Variants in IGSF11 observed in about 807,000 individuals in gnomAD.
The protein encoded by IGSF11 is immunoglobulin superfamily member 11.
A neutral mutation model predicts 41.0 loss-of-function variants in IGSF11; 22 were observed. The ratio of observed to expected loss-of-function variants is 0.54; its 90% CI spans 0.38 to 0.77. The LOEUF is 0.77. IGSF11 is among the 30% of genes least tolerant of loss of function. The pLI is 0.00. For synonymous variants in IGSF11, 219 were observed against 201.3 expected, an observed-to-expected ratio of 1.09 and a Z score of -0.74; for missense variants, 444 against 530.8, an observed-to-expected ratio of 0.84 and a Z score of 1.61.
chr3:119,098,957 A>G (rs2076898738), intron 1 of IGSF11, among the ~76,000 whole-genome samples: 1 of 152,240 alleles, frequency 6.6e-6, no homozygotes, highest in South Asian at 2.1e-4. Context: ...ATCTCAGGTA[A>G]CAAATTCTTT....
intron 1 of IGSF11, among the ~76,000 whole-genome samples, chr3:119,126,925 A>G (rs2077412270): frequency 6.6e-6 from 1 of 152,168 alleles, no homozygotes; most frequent in Non-Finnish European, 1.5e-5. Flanking sequence ...AAAGATAAGA[A>G]TCAATGAAAA....
chr3:118,975,614 A>G (rs1205632566), intron 1 of IGSF11, among the ~76,000 whole-genome samples: 1 of 152,170 alleles, frequency 6.6e-6, no homozygotes, highest in Non-Finnish European at 1.5e-5. Flanking sequence ...CATGGAATCA[A>G]CCTAGGTGGC....
At chr3:118,910,123 G>C (rs747100565) in intron 4 of IGSF11, among the ~76,000 whole-genome samples, 3 of 152,084 alleles carry the variant, frequency 2.0e-5, no homozygotes, top group Non-Finnish European at 4.4e-5. Context: ...AGGTTTAACT[G>C]GACATCAAGA....
intron 1 of IGSF11, among the ~76,000 whole-genome samples, chr3:118,988,451 C>G (rs1287975730): frequency 6.6e-6 from 1 of 152,160 alleles, no homozygotes; most frequent in South Asian, 2.1e-4. Flanking sequence ...AGGTTTCCAG[C>G]GCTTTCCACC....
chr3:118,991,672 TATA>T (rs777293414), intron 1 of IGSF11, among the ~76,000 whole-genome samples: 79 of 152,314 alleles, frequency 5.2e-4, no homozygotes, highest in Non-Finnish European at 9.0e-4. Context: ...TGACAATGGA[TATA>T]AGATAAATGC....
intron 1 of IGSF11, among the ~76,000 whole-genome samples, chr3:119,040,552 A>G (rs1413575925): frequency 6.6e-6 from 1 of 152,234 alleles, no homozygotes; most frequent in African/African-American, 2.4e-5. Flanking sequence ...AATTTAAAAG[A>G]CATTTTAAAA....
chr3:119,025,501 A>G (rs553148755), intron 1 of IGSF11, among the ~76,000 whole-genome samples: 1 of 152,236 alleles, frequency 6.6e-6, no homozygotes, highest in Non-Finnish European at 1.5e-5. Flanking sequence ...TACAGATAAC[A>G]GTTTTCATTT....
chr3:118,968,304 T>C (rs546022994), intron 1 of IGSF11, among the ~76,000 whole-genome samples: 1 of 152,302 alleles, frequency 6.6e-6, no homozygotes, highest in East Asian at 1.9e-4. Flanking sequence ...AGGTTTCTGT[T>C]CCTTCTTTCC....
At chr3:118,995,539 C>G (rs1299544016) in intron 1 of IGSF11, among the ~76,000 whole-genome samples, 1 of 152,102 alleles carries the variant, frequency 6.6e-6, no homozygotes, top group African/African-American at 2.4e-5. Context: ...AAAAGAGAGT[C>G]CAGAAAGCTC....
rs554305788 is a variant in IGSF11, at chr3:119,092,683, A to G, written c.49+12461T>C. Among the ~76,000 whole-genome samples, 20 of 152,240 alleles carry G rather than the reference A, an allele frequency of 1.3e-4. No homozygotes were observed. In the South Asian group the frequency reaches 3.7e-3, roughly 28 times the overall value. Reference sequence around the variant, plus strand: ...GTGTATAGTAATGTCCTAGGCCTTCACTTTCGCTCACTACTGATTCACTAA... The same window carrying G: ...GTGTATAGTAATGTCCTAGGCCTTCGCTTTCGCTCACTACTGATTCACTAA... On this transcript the variant is annotated intron_variant, in intron 1 of 6. Coordinates refer to the IGSF11 transcript ENST00000354673.
At chr3:119,048,164 A>C (rs1941450254) in intron 1 of IGSF11, among the ~76,000 whole-genome samples, 1 of 152,234 alleles carries the variant, frequency 6.6e-6, no homozygotes, top group Non-Finnish European at 1.5e-5. Context: ...GAACTGAAGG[A>C]AATAGTGACA....
At chr3:119,092,086 A>G (rs1190786077) in intron 1 of IGSF11, among the ~76,000 whole-genome samples, 1 of 151,216 alleles carries the variant, frequency 6.6e-6, no homozygotes, top group African/African-American at 2.4e-5. Context: ...ATCTCGGCTC[A>G]CTGAAACCTC....
intron 1 of IGSF11, among the ~76,000 whole-genome samples, chr3:118,974,200 T>C (rs1444791531): frequency 1.3e-5 from 2 of 152,064 alleles, no homozygotes; most frequent in Non-Finnish European, 2.9e-5. Flanking sequence ...CAGGTGACCT[T>C]GAACGTCAAG....
At chr3:119,117,745 C>T (rs1336685453) in intron 1 of IGSF11, among the ~76,000 whole-genome samples, 1 of 152,224 alleles carries the variant, frequency 6.6e-6, no homozygotes, top group African/African-American at 2.4e-5. Context: ...TAGTCCCTTC[C>T]ACCTATGAGC....
chr3:118,995,776 C>T (rs1936207025), intron 1 of IGSF11, among the ~76,000 whole-genome samples: 1 of 152,148 alleles, frequency 6.6e-6, no homozygotes, highest in South Asian at 2.1e-4. Context: ...CCTCAGCCTC[C>T]TGAGTAGCTG....
chr3:118,956,585 G>A (rs1371577661), intron 1 of IGSF11, among the ~76,000 whole-genome samples: 1 of 152,150 alleles, frequency 6.6e-6, no homozygotes, highest in Non-Finnish European at 1.5e-5. Flanking sequence ...CTGATCAGTG[G>A]AGCAGTCGGA....
intron 1 of IGSF11, among the ~76,000 whole-genome samples, chr3:119,009,313 T>G (rs1000773476): frequency 1.2e-4 from 19 of 152,266 alleles, no homozygotes; most frequent in African/African-American, 4.6e-4. Context: ...ACAAAGAACC[T>G]ATAAATAATT....
chr3:119,051,082 C>T (rs1941605675), intron 1 of IGSF11, among the ~76,000 whole-genome samples: 1 of 151,448 alleles, frequency 6.6e-6, no homozygotes, highest in African/African-American at 2.4e-5. Context: ...ACCAGCATGG[C>T]ACCTGTATAC....
intron 1 of IGSF11, among the ~76,000 whole-genome samples, chr3:118,952,926 T>C (rs1944675589): frequency 6.6e-6 from 1 of 152,030 alleles, no homozygotes; most frequent in African/African-American, 2.4e-5. Context: ...CATAGGTTTT[T>C]GGGGAACAGG....
Sources: allele counts gnomAD v4.1 joint callset (sites outside exome capture counted in the v4.1 genomes callset), GRCh38; gene constraint gnomAD v4.1.1; transcripts MANE v1.5; gene names NCBI Gene and HGNC (gene_info 2026-07-23, HGNC 2026-07-21).